CRACDL: variants seen among roughly 807,000 people sequenced by gnomAD.
The protein encoded by CRACDL is CRACD-like protein.
A neutral mutation model predicts 70.6 loss-of-function variants in CRACDL; 26 were observed. The ratio of observed to expected loss-of-function variants is 0.37; its 90% CI spans 0.27 to 0.51. The LOEUF (loss-of-function observed/expected upper bound fraction) is 0.51, where lower values mean the gene tolerates loss of function less well. Among genes scored for constraint, CRACDL ranks in the 20% least tolerant of loss-of-function variants. The pLI is 0.94. For missense variants in CRACDL, 1,283 were observed against 1,376.9 expected (o/e 0.93, Z 1.08); for synonymous variants, 618 against 615.2 (o/e 1.00, Z -0.07).
intron 1 of CRACDL, among the ~76,000 whole-genome samples, chr2:98,906,742 T>C (rs1708427232): frequency 6.6e-6 from 1 of 152,230 alleles, no homozygotes; most frequent in Non-Finnish European, 1.5e-5. Context: ...CCTGCCTGTC[T>C]AGTGATTTTT....
In CRACDL at chr2:98,795,069, A is replaced by T. The variant is rs1240940670; in HGVS notation, c.2750-398T>A. 1.2e-3 allele frequency among the ~76,000 whole-genome samples: 34 copies of T among 28,910 alleles called. 5 individuals are homozygous for T. Among genetic ancestry groups the T allele is most frequent in the African/African-American group, 2.2e-3 (23 of 10,398 alleles). 19.0% of individuals were successfully genotyped at this position (28,910 alleles called of 152,430 possible). ...TATATATATATATATATATATATATATATATATATTTTTTTTTTTTTTTGA... is the reference window on the plus strand; with the variant it reads ...TATATATATATATATATATATATATTTATATATATTTTTTTTTTTTTTTGA... On this transcript the variant is annotated intron_variant, in intron 9 of 9. Coordinates refer to ENST00000397899, the MANE Select transcript of CRACDL (RefSeq NM_207362.3).
intron 1 of CRACDL, chr2:98,869,264 C>T: frequency 8.0e-7 from 1 of 1,246,662 alleles, no homozygotes; most frequent in South Asian, 1.4e-5. Context: ...CCATCTCTCA[C>T]AGAAGTACCC....
chr2:98,887,822 G>A (rs1707839550), intron 1 of CRACDL, among the ~76,000 whole-genome samples: 1 of 152,210 alleles, frequency 6.6e-6, no homozygotes, highest in African/African-American at 2.4e-5. Flanking sequence ...AAAAGTTATG[G>A]ATGCCAGAAG....
chr2:98,884,851 G>A (rs1405276710), intron 1 of CRACDL, among the ~76,000 whole-genome samples: 1 of 152,194 alleles, frequency 6.6e-6, no homozygotes, highest in Non-Finnish European at 1.5e-5. Context: ...TGTTGTTTGT[G>A]AGCCGCCCAG....
Position 98,912,285 on chromosome 2 carries a change from C to T in CRACDL, c.-11+23653G>A, listed in dbSNP as rs577375146. Among the ~76,000 whole-genome samples the T allele has an allele frequency of 5.9e-5, 9 of 152,328 alleles. No individual in the cohort carries two copies. In the East Asian group the frequency reaches 9.7e-4, roughly 16 times the overall value. ...GAGTGAAAGAACACCAGTCAGGAGG[C>T]GATGCATTGTCTGGTACTGGCTCTG... On this transcript the variant is annotated intron_variant, in intron 1 of 9. Coordinates refer to ENST00000397899, the MANE Select transcript of CRACDL (RefSeq NM_207362.3).
rs572822404 is a variant in CRACDL at position 98,848,779 on chromosome 2, G to C, written c.-10-1969C>G. On this transcript the variant is annotated intron_variant, in intron 1 of 9. Transcript: ENST00000397899. ...TTTTTTGTATTTTTTGTAGAAACGG[G>C]GTTTCGCCATGTTGGCCAGGCTGGT... Among the ~76,000 whole-genome samples the C allele has an allele frequency of 5.3e-5, 8 of 152,242 alleles. No homozygotes were observed. In the South Asian group the frequency reaches 1.7e-3, roughly 32 times the overall value.
chr2:98,796,362 T>G, intron 8 of CRACDL, 98 bp from the exon 9 acceptor site: 1 of 1,259,558 alleles, frequency 7.9e-7, no homozygotes, highest in Non-Finnish European at 1.1e-6. Context: ...TCATCCAAGA[T>G]GCCTGCACTG....
intron 7 of CRACDL, among the ~76,000 whole-genome samples, chr2:98,804,436 T>C (rs146969550): frequency 6.6e-6 from 1 of 152,362 alleles, no homozygotes; most frequent in East Asian, 1.9e-4. Context: ...TGCAAACACG[T>C]GCAGGGCAGC....
intron 1 of CRACDL, among the ~76,000 whole-genome samples, chr2:98,865,059 C>T (rs1420476706): frequency 6.6e-6 from 1 of 152,108 alleles, no homozygotes; most frequent in Non-Finnish European, 1.5e-5. Flanking sequence ...AAAACACAAA[C>T]GTGGACAGAC....
chr2:98,852,648 T>C (rs1173857359), intron 1 of CRACDL, among the ~76,000 whole-genome samples: 1 of 151,974 alleles, frequency 6.6e-6, no homozygotes, highest in Non-Finnish European at 1.5e-5. Flanking sequence ...AAGAAACACA[T>C]GGAAATCATC....
rs191588483 is a variant in CRACDL, at chr2:98,893,346, C to T, written c.-11+42592G>A. 1.8e-3 allele frequency among the ~76,000 whole-genome samples: 280 copies of T among 152,134 alleles called. 2 individuals are homozygous for T. Among genetic ancestry groups the T allele is most frequent in the African/African-American group, 6.2e-3 (258 of 41,508 alleles). ...TTGCCCAGGCTGGAGTGCAGTGATGCGATCTCAGTTCACTACAAGCTCCGT... is the reference window on the plus strand; with the variant it reads ...TTGCCCAGGCTGGAGTGCAGTGATGTGATCTCAGTTCACTACAAGCTCCGT... On this transcript the variant is annotated intron_variant, in intron 1 of 9. Transcript: ENST00000397899.
At chr2:98,842,810 G>C (rs1706088194) in intron 2 of CRACDL, among the ~76,000 whole-genome samples, 1 of 151,990 alleles carries the variant, frequency 6.6e-6, no homozygotes, top group South Asian at 2.1e-4. Context: ...ATTTCAACCT[G>C]CTGAAAGACA....
At chr2:98,867,327 T>G (rs985810349) in intron 1 of CRACDL, among the ~76,000 whole-genome samples, 2 of 152,212 alleles carry the variant, frequency 1.3e-5, no homozygotes, top group African/African-American at 4.8e-5. Context: ...CATACAGCTA[T>G]CCAACACAGT....
chr2:98,893,240 C>T (rs771263476), intron 1 of CRACDL, among the ~76,000 whole-genome samples: 4 of 152,122 alleles, frequency 2.6e-5, no homozygotes, highest in Non-Finnish European at 4.4e-5. Flanking sequence ...CATCATGGGA[C>T]AAGGAGCTGT....
At chr2:98,869,195 C>T (rs1402322387) in intron 1 of CRACDL, 1 of 1,304,060 alleles carries the variant, frequency 7.7e-7, no homozygotes, top group East Asian at 5.6e-5. Flanking sequence ...GCCTCCCTTT[C>T]CTCTGAGTGG....
At chr2:98,801,876 T>C (rs1704091546) in intron 7 of CRACDL, among the ~76,000 whole-genome samples, 1 of 152,194 alleles carries the variant, frequency 6.6e-6, no homozygotes. Flanking sequence ...GTTGCTAGTG[T>C]TGTTATTGTT....
chr2:98,928,942 C>G (rs1022097064), intron 1 of CRACDL, among the ~76,000 whole-genome samples: 8 of 152,098 alleles, frequency 5.3e-5, no homozygotes, highest in Non-Finnish European at 4.4e-5. Flanking sequence ...GCTCAGAGAC[C>G]GAATCACCCA....
intron 1 of CRACDL, among the ~76,000 whole-genome samples, chr2:98,901,426 G>A (rs1708277487): frequency 6.6e-6 from 1 of 152,118 alleles, no homozygotes. Flanking sequence ...TCAGTCCCAG[G>A]GCTCCCCCCA....
At position 98,822,858 on chromosome 2, in the gene CRACDL, G is replaced by T; in HGVS notation, c.1415C>A (p.Ala472Glu). 1 of 1,457,828 alleles carries T rather than the reference G, an allele frequency of 6.9e-7. No individual in the cohort carries two copies. Among genetic ancestry groups the T allele is most frequent in the Non-Finnish European group, 9.0e-7 (1 of 1,114,760 alleles). The allele number at this position is 1,457,828 out of a possible 1,614,324, so 90.3% of individuals were successfully genotyped here. Residue 472 changes from alanine to glutamate, a missense_variant, in exon 7 of 10, where the codon GCG becomes GAG. Physicochemically the swap from Ala to Glu is moderately radical, Grantham distance 107. This residue lies in a region of CRACDL where 921 missense variants were observed against 881.9 expected (regional missense o/e 1.04). Transcript: ENST00000397899. The surrounding 1 kb of genome is among the most constrained non-coding windows in gnomAD (Gnocchi z 4.9). ...CCCAATTCTCTCGGGCTCGGTCCCC[G>T]CTCCTCTCTCGGGCTCCGTCTCCGC... Reference protein sequence around the residue: ...REAETEPERGAGTEPERIGTE... With the variant: ...REAETEPERGEGTEPERIGTE...
Sources: allele counts gnomAD v4.1 joint callset (sites outside exome capture counted in the v4.1 genomes callset), GRCh38; gene constraint gnomAD v4.1.1; regional missense constraint gnomAD v4.1.1; non-coding constraint Gnocchi (gnomAD v3.1); transcripts MANE v1.5; gene names NCBI Gene and HGNC (gene_info 2026-07-23, HGNC 2026-07-21).